MYH2: variants seen among roughly 807,000 people sequenced by gnomAD.
MYH2 encodes myosin-2.
Under a neutral mutation model 228.1 loss-of-function variants are expected in MYH2, and 139 were observed. That is an observed-to-expected ratio of 0.61 (90% CI 0.53 to 0.70). The LOEUF is 0.70. Ranked by LOEUF, MYH2 falls within the 30% of genes least tolerant of loss-of-function variation. MYH2 has a pLI of 0.00. For synonymous variants in MYH2, 796 were observed against 871.1 expected, an observed-to-expected ratio of 0.91 and a Z score of 1.52; for missense variants, 1,809 against 2,357.5, an observed-to-expected ratio of 0.77 and a Z score of 4.82.
chr17:10,528,999 G>C lies in MYH2; in HGVS notation c.3435C>G (p.Leu1145=). The C allele has an allele frequency of 6.2e-7, 1 of 1,614,220 alleles. No individual in the cohort carries two copies. The highest frequency in any genetic ancestry group is 1.3e-5 in the African/African-American group (1 of 75,060). The part of the protein sequence containing the change: ...RAKAEKQRSD[L]SRELEEISER... ...CGCTGATCTCCTCCAGCTCCCGGGA[G>C]AGGTCAGAGCGCTGCTTCTCTGCTT... is the stretch of plus-strand genomic sequence containing the variant. The change falls in exon 27 of 40, where the codon CTC becomes CTG. Residue 1145 remains leucine, a synonymous_variant. Coordinates refer to ENST00000245503, the MANE Select transcript of MYH2 (RefSeq NM_017534.6).
chr17:10,525,687 A>G lies in MYH2; in HGVS notation c.4371+6T>C, dbSNP rs768887337. On this transcript the variant is annotated splice_donor_region_variant and intron_variant, in intron 31 of 39. Transcript: ENST00000245503. The surrounding 1 kb of genome is among the most constrained non-coding windows in gnomAD (Gnocchi z 4.2). ...AGTAAAGAGCAGAAGATGCTGGAGG[A>G]ATTACCTTATCGAAGTTCCTTTGCT... 1 of 1,614,180 alleles carries G rather than the reference A, an allele frequency of 6.2e-7. No individual in the cohort carries two copies. The highest frequency in any genetic ancestry group is 2.2e-5 in the East Asian group (1 of 44,874).
At position 10,523,155 on chromosome 17, in the gene MYH2, GCCT is replaced by G; in HGVS notation, c.5605_5607del (p.Arg1869del). On this transcript the variant is annotated inframe_deletion, in exon 39 of 40. Coordinates refer to ENST00000245503, the MANE Select transcript of MYH2 (RefSeq NM_017534.6). ...TGAAGTTTATCTACCAAATCTTGAA[GCCT>G]GAGAATATTCTTTCTATCTTCTTCC... The G allele has an allele frequency of 6.2e-7, 1 of 1,613,890 alleles. No homozygotes were observed. The highest frequency in any genetic ancestry group is 1.1e-5 in the South Asian group (1 of 91,080).
In MYH2 at chr17:10,547,328, G is replaced by C. The variant is rs139942917; in HGVS notation, c.348+147C>G. On this transcript the variant is annotated intron_variant, in intron 4 of 39. Coordinates refer to ENST00000245503, the MANE Select transcript of MYH2 (RefSeq NM_017534.6). ...TGCTGGCTGTTGAGCTGTGCTTTAC[G>C]ATAGCAATCATGAAGCCTTTTAACT... is the stretch of plus-strand genomic sequence containing the variant. The C allele has an allele frequency of 3.1e-5, 34 of 1,109,254 alleles. No homozygotes were observed. The South Asian group carries it at 3.7e-4, about 12-fold the overall frequency. 68.7% of individuals were successfully genotyped at this position (1,109,254 alleles called of 1,614,324 possible). A position where few individuals can be genotyped will look rare whatever the true frequency, so the allele number is the denominator to read the frequency against.
chr17:10,539,357 T>G lies in MYH2; in HGVS notation c.1267-3A>C. The G allele has an allele frequency of 6.2e-7, 1 of 1,614,178 alleles. No homozygotes were observed. Among genetic ancestry groups the G allele is most frequent in the Non-Finnish European group, 8.5e-7 (1 of 1,180,020 alleles). ...AGAGCACCTACTGCGTTGGACACCTTAAAAGACAAAATTATAACTCTCGAA... is the reference window on the plus strand; with the variant it reads ...AGAGCACCTACTGCGTTGGACACCTGAAAAGACAAAATTATAACTCTCGAA... On this transcript the variant is annotated splice_region_variant and splice_polypyrimidine_tract_variant and intron_variant, in intron 13 of 39. Coordinates refer to ENST00000245503, the MANE Select transcript of MYH2 (RefSeq NM_017534.6).
Position 10,547,884 on chromosome 17 carries a change from C to T in MYH2, c.37G>A (p.Ala13Thr). The change falls in exon 3 of 40, where the codon GCT becomes ACT. Residue 13 changes from alanine to threonine, a missense_variant. Physicochemically the swap from Ala to Thr is moderately conservative, Grantham distance 58. This residue lies in a region of MYH2 where 84 missense variants were observed against 81.8 expected (regional missense o/e 1.03). Transcript: ENST00000245503. ...SDSELAVFGE[A>T]APFLRKSERE... Reference sequence around the variant, plus strand: ...TCAGACTTTCGGAGGAAAGGAGCAGCCTCCCCAAAAACAGCCAATTCTGAG... The same window carrying T: ...TCAGACTTTCGGAGGAAAGGAGCAGTCTCCCCAAAAACAGCCAATTCTGAG... 6.2e-7 allele frequency: 1 copy of T among 1,614,192 alleles called. No homozygotes were observed. The highest frequency in any genetic ancestry group is 8.5e-7 in the Non-Finnish European group (1 of 1,180,040).
At position 10,525,902 on chromosome 17, in the gene MYH2, G is replaced by A. The variant is rs1240408115; in HGVS notation, c.4188-26C>T. On this transcript the variant is annotated intron_variant, in intron 30 of 39. Coordinates refer to ENST00000245503, the MANE Select transcript of MYH2 (RefSeq NM_017534.6). This position sits in a 1 kb window ranked among gnomAD's most constrained non-coding sequence, Gnocchi z 4.2. ...CTTGAATATTATACATGTTTTCAGA[G>A]AGAAGTGAACCATAATATGAATTAT... 1.2e-6 allele frequency: 2 copies of A among 1,611,202 alleles called. No individual in the cohort carries two copies. The highest frequency in any genetic ancestry group is 2.2e-5 in the South Asian group (2 of 90,940).
chr17:10,540,144 G>T (rs2073533169), intron 11 of MYH2, 78 bp from the exon 12 acceptor site: 2 of 1,592,356 alleles, frequency 1.3e-6, no homozygotes, highest in Non-Finnish European at 1.7e-6. Context: ...TCCCATTGCT[G>T]GCCTGAGGAA....
At chr17:10,530,115 A>G (rs1282661929) in intron 22 of MYH2, 41 bp from the exon 23 acceptor site, 2 of 1,613,756 alleles carry the variant, frequency 1.2e-6, no homozygotes, top group Admixed American at 3.3e-5. Context: ...AGAAAGAATG[A>G]AATACTTCAC....
rs777553112 is a variant in MYH2 at position 10,523,640 on chromosome 17, C to A, written c.5328G>T (p.Lys1776Asn). 1 of 1,614,226 alleles carries A rather than the reference C, an allele frequency of 6.2e-7. No individual in the cohort carries two copies. The highest frequency in any genetic ancestry group is 8.5e-7 in the Non-Finnish European group (1 of 1,180,042). ...TDAAMMAEEL[K>N]KEQDTSAHLE... Reference sequence around the variant, plus strand: ...GGTGGGCGCTGGTGTCCTGCTCCTTCTTCAGCTCCTCAGCCATCATGGCGG... The same window carrying A: ...GGTGGGCGCTGGTGTCCTGCTCCTTATTCAGCTCCTCAGCCATCATGGCGG... Residue 1776 changes from lysine (K) to asparagine (N), a missense_variant, in exon 37 of 40, where the codon AAG becomes AAT. By Grantham distance (94) the Lys-to-Asn change is moderately conservative. Coordinates refer to ENST00000245503, the MANE Select transcript of MYH2 (RefSeq NM_017534.6).
At chr17:10,540,474 G>T in intron 11 of MYH2, 120 bp downstream of exon 11, 1 of 851,612 alleles carries the variant, frequency 1.2e-6, no homozygotes, top group Non-Finnish European at 1.9e-6. Flanking sequence ...ACTCCAAGGG[G>T]CATGTCCATT....
In MYH2 at chr17:10,523,538, G is replaced by C. The variant is rs753020212; in HGVS notation, c.5430C>G (p.Ala1810=). Residue 1810 remains alanine (A), a synonymous_variant, in exon 37 of 40, where the codon GCC becomes GCG. Transcript: ENST00000245503. ...QLRLDEAEQL[A]LKGGKKQIQK... Reference sequence around the variant, plus strand: ...GGATCTGCTTCTTCCCACCCTTCAGGGCCAGCTGCTCAGCCTCATCCAGAC... The same window carrying C: ...GGATCTGCTTCTTCCCACCCTTCAGCGCCAGCTGCTCAGCCTCATCCAGAC... The C allele has an allele frequency of 3.1e-6, 5 of 1,614,084 alleles. No individual in the cohort carries two copies. Among genetic ancestry groups the C allele is most frequent in the South Asian group, 1.1e-5 (1 of 91,068 alleles).
intron 35 of MYH2, 22 bp from the exon 36 acceptor site, chr17:10,523,906 A>G (rs747745575): frequency 1.4e-5 from 22 of 1,606,938 alleles, no homozygotes; most frequent in Non-Finnish European, 1.6e-5. Context: ...GAATTTGTAC[A>G]TTTAAAAAAT....
At chr17:10,547,132 T>A (rs2073645574) in intron 4 of MYH2, among the ~76,000 whole-genome samples, 1 of 152,180 alleles carries the variant, frequency 6.6e-6, no homozygotes, top group African/African-American at 2.4e-5. Flanking sequence ...AACATGTTTA[T>A]CTTTTCACTC....
At chr17:10,522,941 G>A (rs1041788834) in intron 39 of MYH2, 149 bp downstream of exon 39, 1 of 650,954 alleles carries the variant, frequency 1.5e-6, no homozygotes, top group Non-Finnish European at 2.7e-6. Context: ...TGAAGCTACT[G>A]ATATTACAAA....
chr17:10,543,374 T>C (rs1032182542), intron 8 of MYH2, among the ~76,000 whole-genome samples: 2 of 152,184 alleles, frequency 1.3e-5, no homozygotes, highest in African/African-American at 4.8e-5. Context: ...AAGTAATGGA[T>C]ATGTTAATTA....
chr17:10,544,858 G>T (rs1406083252), intron 5 of MYH2, among the ~76,000 whole-genome samples: 1 of 152,088 alleles, frequency 6.6e-6, no homozygotes, highest in Non-Finnish European at 1.5e-5. Flanking sequence ...TCTGGGCAAA[G>T]GGCGATAGCA....
intron 35 of MYH2, 54 bp from the exon 36 acceptor site, chr17:10,523,938 G>T: frequency 6.4e-7 from 1 of 1,559,002 alleles, no homozygotes. Context: ...AGTATTTATT[G>T]GTAACCACTT....
chr17:10,536,452 T>C, intron 17 of MYH2, 78 bp downstream of exon 17: 1 of 1,171,678 alleles, frequency 8.5e-7, no homozygotes, highest in South Asian at 1.4e-5. Context: ...AGAACAAAAA[T>C]AGAAGTTCAG....
In MYH2 at chr17:10,523,052, T is replaced by G. The variant is rs201924580; in HGVS notation, c.5673+38A>C. On this transcript the variant is annotated intron_variant, in intron 39 of 39. Transcript: ENST00000245503. Reference sequence around the variant, plus strand: ...ACTACAAGAAGTAGTAATTATTTATTAGCTTAATTTGAGGACTTCAATCTT... The same window carrying G: ...ACTACAAGAAGTAGTAATTATTTATGAGCTTAATTTGAGGACTTCAATCTT... 247 of 1,401,742 alleles carry G rather than the reference T, an allele frequency of 1.8e-4. 2 individuals are homozygous for G. The African/African-American group carries it at 2.8e-3, about 16-fold the overall frequency. The allele number at this position is 1,401,742 out of a possible 1,614,324, so 86.8% of individuals were successfully genotyped here.
Sources: allele counts gnomAD v4.1 joint callset (sites outside exome capture counted in the v4.1 genomes callset), GRCh38; gene constraint gnomAD v4.1.1; regional missense constraint gnomAD v4.1.1; non-coding constraint Gnocchi (gnomAD v3.1); transcripts MANE v1.5; gene names NCBI Gene and HGNC (gene_info 2026-07-23, HGNC 2026-07-21).